Variants in ZNF804B observed in about 807,000 individuals in gnomAD.
ZNF804B encodes zinc finger 804B.
In ZNF804B, 80 loss-of-function variants were observed where a neutral mutation model predicts 101.4. The observed-to-expected ratio is 0.79, with a 90% confidence interval of 0.66 to 0.95. ZNF804B has a LOEUF of 0.95. ZNF804B is among the 40% of genes least tolerant of loss of function. The pLI is 0.00. For synonymous variants in ZNF804B, 622 were observed against 558.8 expected (o/e 1.11, Z -1.59); for missense variants, 1,673 against 1,561.9 (o/e 1.07, Z -1.20).
At chr7:88,997,517 A>G (rs1457907248) in intron 1 of ZNF804B, among the ~76,000 whole-genome samples, 8 of 152,106 alleles carry the variant, frequency 5.3e-5, no homozygotes, top group Non-Finnish European at 1.2e-4. Flanking sequence ...TCTGTTTCTA[A>G]TCATAATGAT....
At chr7:88,871,438 G>A (rs1791821766) in intron 1 of ZNF804B, among the ~76,000 whole-genome samples, 1 of 151,792 alleles carries the variant, frequency 6.6e-6, no homozygotes, top group Admixed American at 6.6e-5. Context: ...AATAGTAGAG[G>A]AAAAGTGCTT....
At chr7:88,958,295 AG>A (rs1793341574) in intron 1 of ZNF804B, among the ~76,000 whole-genome samples, 1 of 151,472 alleles carries the variant, frequency 6.6e-6, no homozygotes, top group Non-Finnish European at 1.5e-5. Context: ...ATGTCCAAAA[AG>A]TTCATTACCT....
intron 2 of ZNF804B, among the ~76,000 whole-genome samples, chr7:89,307,726 C>T (rs1420723948): frequency 6.6e-6 from 1 of 151,938 alleles, no homozygotes; most frequent in African/African-American, 2.4e-5. Flanking sequence ...ACATGAGGCA[C>T]TAATTATTGA....
intron 1 of ZNF804B, among the ~76,000 whole-genome samples, chr7:88,861,879 A>G (rs1362536520): frequency 4.6e-5 from 7 of 152,186 alleles, no homozygotes; most frequent in Non-Finnish European, 7.3e-5. Context: ...CAGTAGCATA[A>G]GATTAGAATT....
chr7:88,810,116 A>T (rs1790761412), intron 1 of ZNF804B, among the ~76,000 whole-genome samples: 1 of 152,140 alleles, frequency 6.6e-6, no homozygotes, highest in African/African-American at 2.4e-5. Context: ...TGTAATTGCA[A>T]TTGCGTACAG....
In ZNF804B at chr7:89,338,511, T is replaced by C. The variant is rs2116016533; in HGVS notation, c.*1479T>C. On this transcript the variant is annotated 3_prime_UTR_variant, in exon 4 of 4. Coordinates refer to ENST00000333190, the MANE Select transcript of ZNF804B (RefSeq NM_181646.5). The stretch of plus-strand genomic sequence containing the variant: ...AGGACATCGTTGATTCAGGAGAGAC[T>C]GGTGAGAGAGAAAGAGAAAGAAAGG... 6.6e-6 allele frequency among the ~76,000 whole-genome samples: 1 copy of C among 151,912 alleles called. No homozygotes were observed. The highest frequency in any genetic ancestry group is 2.4e-5 in the African/African-American group (1 of 41,470).
chr7:89,150,492 C>T (rs1040808252), intron 1 of ZNF804B, among the ~76,000 whole-genome samples: 7 of 152,146 alleles, frequency 4.6e-5, no homozygotes, highest in African/African-American at 7.2e-5. Context: ...GGCCTCCAGA[C>T]GCATTTTTGC....
intron 1 of ZNF804B, among the ~76,000 whole-genome samples, chr7:88,987,946 A>G (rs1489070714): frequency 6.6e-6 from 1 of 151,342 alleles, no homozygotes; most frequent in Non-Finnish European, 1.5e-5. Flanking sequence ...CCATTGTTCT[A>G]CTCTCTACAT....
At chr7:89,291,638 T>C (rs1419261802) in intron 2 of ZNF804B, among the ~76,000 whole-genome samples, 1 of 151,956 alleles carries the variant, frequency 6.6e-6, no homozygotes, top group Non-Finnish European at 1.5e-5. Flanking sequence ...ATCTATAAAA[T>C]AGCCTCAGAG....
At chr7:88,943,581 C>T (rs1362676802) in intron 1 of ZNF804B, among the ~76,000 whole-genome samples, 2 of 151,752 alleles carry the variant, frequency 1.3e-5, no homozygotes, top group East Asian at 1.9e-4. Context: ...TGTTTTCTTG[C>T]TTAGTTTAGT....
chr7:89,296,298 C>A (rs1790382765), intron 2 of ZNF804B, among the ~76,000 whole-genome samples: 1 of 151,882 alleles, frequency 6.6e-6, no homozygotes, highest in South Asian at 2.1e-4. Context: ...CTTAATTTAT[C>A]TAGATTTATA....
intron 1 of ZNF804B, among the ~76,000 whole-genome samples, chr7:88,920,272 G>C (rs1028250544): frequency 3.3e-5 from 5 of 152,036 alleles, no homozygotes; most frequent in African/African-American, 1.2e-4. Context: ...TTATAGTACA[G>C]TATTAATTTT....
chr7:89,068,187 A>T (rs930457691), intron 1 of ZNF804B, among the ~76,000 whole-genome samples: 2 of 150,374 alleles, frequency 1.3e-5, no homozygotes, highest in Non-Finnish European at 2.9e-5. Context: ...TTGTGAAGTT[A>T]TTAAGGCAGA....
chr7:88,977,588 A>G (rs1409350320), intron 1 of ZNF804B, among the ~76,000 whole-genome samples: 1 of 151,418 alleles, frequency 6.6e-6, no homozygotes, highest in Non-Finnish European at 1.5e-5. Context: ...ATCCATAGTA[A>G]TGTCTCTATT....
chr7:88,768,879 T>G (rs2905213), intron 1 of ZNF804B, among the ~76,000 whole-genome samples: 73,312 of 152,114 alleles, frequency 0.48, 20,802 homozygotes, highest in African/African-American at 0.77. Flanking sequence ...GAGTTAAACC[T>G]CCTATTTTCG....
intron 1 of ZNF804B, among the ~76,000 whole-genome samples, chr7:89,084,748 C>T (rs1327609011): frequency 1.3e-5 from 2 of 151,888 alleles, no homozygotes; most frequent in Admixed American, 1.3e-4. Context: ...TAACTACCTA[C>T]ATAGATATAA....
At chr7:88,812,374 C>G (rs1315415924) in intron 1 of ZNF804B, among the ~76,000 whole-genome samples, 1 of 152,078 alleles carries the variant, frequency 6.6e-6, no homozygotes, top group Non-Finnish European at 1.5e-5. Context: ...CAACTGTTGA[C>G]AAGAATGTGG....
At chr7:89,298,141 A>T (rs796120986) in intron 2 of ZNF804B, among the ~76,000 whole-genome samples, 1 of 87,144 alleles carries the variant, frequency 1.1e-5, no homozygotes, top group African/African-American at 4.5e-5. Flanking sequence ...ATATATATAT[A>T]TCATATATAT....
chr7:89,059,269 A>G (rs1260949665), intron 1 of ZNF804B, among the ~76,000 whole-genome samples: 1 of 152,212 alleles, frequency 6.6e-6, no homozygotes. Context: ...CAATAAAGAA[A>G]TACCTGAGGC....
Sources: gnomAD v4.1 joint callset for allele counts (sites outside exome capture counted in the v4.1 genomes callset) on GRCh38, gnomAD v4.1.1 for gene constraint, MANE v1.5 for transcripts, NCBI Gene and HGNC (gene_info 2026-07-23, HGNC 2026-07-21) for gene names.